Variants in GLRA3 observed in about 807,000 individuals in gnomAD.
GLRA3 encodes the protein glycine receptor alpha 3.
In GLRA3, 44 loss-of-function variants were observed where a neutral mutation model predicts 60.4. That is an observed-to-expected ratio of 0.73 (90% CI 0.57 to 0.94). GLRA3 has a LOEUF of 0.94. Ranked by LOEUF, GLRA3 falls within the 40% of genes least tolerant of loss-of-function variation. The pLI is 0.00. For synonymous variants in GLRA3, 223 were observed against 192.9 expected, an observed-to-expected ratio of 1.16 and a Z score of -1.29; for missense variants, 508 against 564.6, an observed-to-expected ratio of 0.90 and a Z score of 1.02.
At chr4:174,651,678 C>T (rs1484080459) in intron 9 of GLRA3, among the ~76,000 whole-genome samples, 1 of 152,134 alleles carries the variant, frequency 6.6e-6, no homozygotes, top group East Asian at 1.9e-4. Context: ...AAAAGGTTAA[C>T]CAACAGCATA....
intron 2 of GLRA3, among the ~76,000 whole-genome samples, chr4:174,771,968 G>A (rs1165897338): frequency 6.6e-6 from 1 of 152,106 alleles, no homozygotes; most frequent in Non-Finnish European, 1.5e-5. Flanking sequence ...AGTGTCCCTT[G>A]GGAGCAAGTG....
intron 2 of GLRA3, among the ~76,000 whole-genome samples, chr4:174,771,530 T>C (rs1483069362): frequency 6.6e-6 from 1 of 152,072 alleles, no homozygotes; most frequent in African/African-American, 2.4e-5. Context: ...CTCTATTGAC[T>C]CATATCCTCT....
At chr4:174,714,867 AC>A (rs1202732203) in intron 5 of GLRA3, among the ~76,000 whole-genome samples, 1 of 152,242 alleles carries the variant, frequency 6.6e-6, no homozygotes, top group African/African-American at 2.4e-5. Flanking sequence ...ATATGGGTCT[AC>A]TTTGAAAGAA....
intron 3 of GLRA3, among the ~76,000 whole-genome samples, chr4:174,733,790 G>C (rs937919356): frequency 4.6e-5 from 7 of 152,106 alleles, no homozygotes; most frequent in African/African-American, 1.7e-4. Flanking sequence ...ATGGGATGCT[G>C]TGCCTCTTGT....
At chr4:174,699,733 T>C (rs1328055837) in intron 5 of GLRA3, among the ~76,000 whole-genome samples, 1 of 151,974 alleles carries the variant, frequency 6.6e-6, no homozygotes, top group South Asian at 2.1e-4. Flanking sequence ...AACTTCAAAT[T>C]TGTACTGTTT....
chr4:174,663,784 A>C (rs1733552389), intron 7 of GLRA3, among the ~76,000 whole-genome samples: 2 of 152,144 alleles, frequency 1.3e-5, no homozygotes. Flanking sequence ...CATGACACAC[A>C]GCGCACTCCC....
At chr4:174,658,738 T>C (rs1014386929) in intron 8 of GLRA3, among the ~76,000 whole-genome samples, 1 of 152,170 alleles carries the variant, frequency 6.6e-6, no homozygotes, top group Non-Finnish European at 1.5e-5. Context: ...TTAGAAATGC[T>C]CTAACATTGC....
chr4:174,715,628 T>C (rs1016226099), intron 4 of GLRA3, 58 bp from the exon 5 acceptor site: 42 of 801,218 alleles, frequency 5.2e-5, no homozygotes, highest in African/African-American at 4.5e-4. Context: ...TAATATTCTA[T>C]TGTACAGGAG....
rs1356270254 is a variant in GLRA3, at chr4:174,666,761, A to ATTATATATATATATATATATATATATAT, written c.928-7565_928-7564insATATATATATATATATATATATATATAA. ...AAGAATATATATATATATATATATT[A>ATTATATATATATATATATATATATATAT]TATATATATATATATATATAATTGG... On this transcript the variant is annotated intron_variant, in intron 7 of 9. Transcript: ENST00000274093. Among the ~76,000 whole-genome samples, 3 of 72,346 alleles carry ATTATATATATATATATATATATATATAT rather than the reference A, an allele frequency of 4.1e-5. No individual in the cohort carries two copies. The East Asian group carries it at 1.6e-3, about 39-fold the overall frequency. The allele number at this position is 72,346 out of a possible 152,430, so 47.5% of individuals were successfully genotyped here.
intron 9 of GLRA3, among the ~76,000 whole-genome samples, chr4:174,654,266 T>G (rs1218575624): frequency 2.0e-5 from 3 of 152,152 alleles, no homozygotes; most frequent in Non-Finnish European, 4.4e-5. Flanking sequence ...GACTATAGAC[T>G]TGACAAATGC....
intron 7 of GLRA3, among the ~76,000 whole-genome samples, chr4:174,675,277 T>C (rs904742534): frequency 6.6e-6 from 1 of 152,180 alleles, no homozygotes; most frequent in Non-Finnish European, 1.5e-5. Flanking sequence ...TAAAGCCTTT[T>C]AAAAATGTCT....
chr4:174,759,790 T>A (rs559442658), intron 3 of GLRA3, among the ~76,000 whole-genome samples: 2 of 152,288 alleles, frequency 1.3e-5, no homozygotes, highest in East Asian at 3.9e-4. Flanking sequence ...TGGAAGTAAT[T>A]ATTCAATTGT....
intron 6 of GLRA3, among the ~76,000 whole-genome samples, chr4:174,681,910 A>T (rs1380094596): frequency 6.6e-6 from 1 of 152,190 alleles, no homozygotes; most frequent in African/African-American, 2.4e-5. Flanking sequence ...TTCATCTCTG[A>T]GTTAAAAGGA....
intron 8 of GLRA3, among the ~76,000 whole-genome samples, chr4:174,657,054 T>C (rs1043679494): frequency 5.9e-5 from 9 of 152,156 alleles, no homozygotes; most frequent in African/African-American, 2.2e-4. Context: ...AATAATAAGA[T>C]ATGATTGTTT....
intron 5 of GLRA3, among the ~76,000 whole-genome samples, chr4:174,691,514 C>G (rs987170603): frequency 2.0e-5 from 3 of 152,180 alleles, no homozygotes; most frequent in South Asian, 2.1e-4. Context: ...CTCAGCCTGC[C>G]GAGTGCCTGC....
Position 174,721,387 on chromosome 4 carries a change from C to T in GLRA3, c.492-5817G>A, listed in dbSNP as rs190527300. Among the ~76,000 whole-genome samples, 12 of 151,982 alleles carry T rather than the reference C, an allele frequency of 7.9e-5. No individual in the cohort carries two copies. In the East Asian group the frequency reaches 2.3e-3, roughly 29 times the overall value. On this transcript the variant is annotated intron_variant, in intron 4 of 9. Coordinates refer to ENST00000274093, the MANE Select transcript of GLRA3 (RefSeq NM_006529.4). ...GTTTACATGTTATAAATATGTAATTCTTGCTCCTGATTAAGCTTGGTAGTT... is the reference window on the plus strand; with the variant it reads ...GTTTACATGTTATAAATATGTAATTTTTGCTCCTGATTAAGCTTGGTAGTT...
chr4:174,710,605 C>T (rs571194879), intron 5 of GLRA3, among the ~76,000 whole-genome samples: 10 of 152,158 alleles, frequency 6.6e-5, no homozygotes, highest in African/African-American at 9.6e-5. Flanking sequence ...GCTCTTTACG[C>T]GGACGTTTTT....
chr4:174,807,460 TA>T (rs1464313045), intron 1 of GLRA3, among the ~76,000 whole-genome samples: 1 of 152,042 alleles, frequency 6.6e-6, no homozygotes, highest in Non-Finnish European at 1.5e-5. Context: ...GAAAAAGAAA[TA>T]ATCTATAAAG....
intron 3 of GLRA3, among the ~76,000 whole-genome samples, chr4:174,729,589 G>A (rs957856116): frequency 9.2e-5 from 14 of 152,172 alleles, no homozygotes; most frequent in South Asian, 2.1e-4. Flanking sequence ...GGACTAACGC[G>A]TAGAATGACA....
Sources: gnomAD v4.1 joint callset for allele counts (sites outside exome capture counted in the v4.1 genomes callset) on GRCh38, gnomAD v4.1.1 for gene constraint, MANE v1.5 for transcripts, NCBI Gene and HGNC (gene_info 2026-07-23, HGNC 2026-07-21) for gene names.